Variants in SH3TC1 observed in about 807,000 individuals in gnomAD.
The protein encoded by SH3TC1 is SH3 domain and tetratricopeptide repeat-containing protein 1.
SH3TC1 carries 135 observed loss-of-function variants against 117.3 expected under a neutral mutation model. That is an observed-to-expected ratio of 1.15 (90% CI 1.00 to 1.33). The LOEUF is 1.33. Ranked by LOEUF, SH3TC1 falls within the 40% of genes most tolerant of loss-of-function variation. The pLI, the probability that SH3TC1 is intolerant of heterozygous loss-of-function variation, is 0.00. For synonymous variants in SH3TC1, 898 were observed against 816.9 expected, an observed-to-expected ratio of 1.10 and a Z score of -1.69; for missense variants, 2,092 against 1,794.3, an observed-to-expected ratio of 1.17 and a Z score of -3.00.
Position 8,214,595 on chromosome 4 carries a change from C to G in SH3TC1, c.481+15C>G. On this transcript the variant is annotated intron_variant, in intron 5 of 17. Transcript: ENST00000245105. ...CCATGCTCTCGGTAAAGAGGTGACC[C>G]TCCCAGAATTGGTCATGGGGACGCC... The G allele has an allele frequency of 6.2e-7, 1 of 1,609,444 alleles. No individual in the cohort carries two copies. Among genetic ancestry groups the G allele is most frequent in the African/African-American group, 1.3e-5 (1 of 74,954 alleles).
intron 2 of SH3TC1, among the ~76,000 whole-genome samples, chr4:8,208,812 A>G (rs774042617): frequency 1.3e-5 from 2 of 152,182 alleles, no homozygotes; most frequent in Non-Finnish European, 2.9e-5. Context: ...CACCGTCCCA[A>G]TGCAAGGCCC....
At chr4:8,234,348 ATTTG>A (rs202226385) in intron 14 of SH3TC1, among the ~76,000 whole-genome samples, 1,745 of 147,414 alleles carry the variant, frequency 0.012, 39 homozygotes, top group South Asian at 0.076. Context: ...CTGTCTGTCC[ATTTG>A]TTTATCCATA....
At chr4:8,184,097 A>G (rs919182155) in intron 1 of SH3TC1, among the ~76,000 whole-genome samples, 12 of 152,204 alleles carry the variant, frequency 7.9e-5, no homozygotes, top group Non-Finnish European at 1.8e-4. Flanking sequence ...ATGAAGGCAT[A>G]TATGTGTACA....
chr4:8,236,029 G>T lies in SH3TC1; in HGVS notation c.3406-249G>T. On this transcript the variant is annotated intron_variant, in intron 15 of 17. Transcript: ENST00000245105. The stretch of plus-strand genomic sequence containing the variant: ...CAGAGAGGAGTGCAGGCTCCCCCCA[G>T]TCAGACCCCTGGTGCCCAGGCGGGA... The T allele has an allele frequency of 5.7e-6, 3 of 525,940 alleles. 1 individual carries two copies. Among genetic ancestry groups the T allele is most frequent in the South Asian group, 5.3e-5 (2 of 37,628 alleles). The allele number at this position is 525,940 out of a possible 1,614,324, so 32.6% of individuals were successfully genotyped here.
upstream of SH3TC1, among the ~76,000 whole-genome samples, chr4:8,198,289 A>G (rs569186488): frequency 1.3e-5 from 2 of 152,274 alleles, no homozygotes; most frequent in South Asian, 4.1e-4. Flanking sequence ...AGATGGATAC[A>G]TAACTATTTG....
At chr4:8,230,783 C>CTTTTTTTTTTTTTTTTTTTTT (rs59242411) in intron 12 of SH3TC1, among the ~76,000 whole-genome samples, 1 of 134,170 alleles carries the variant, frequency 7.5e-6, no homozygotes, top group Non-Finnish European at 1.6e-5. Context: ...ATATGCTGTG[C>CTTTTTTTTTTTTTTTTTTTTT]TTTTTTTTTT....
chr4:8,232,035 G>A lies in SH3TC1; in HGVS notation c.3010G>A (p.Ala1004Thr). The A allele has an allele frequency of 5.6e-6, 9 of 1,613,188 alleles. No homozygotes were observed. Among genetic ancestry groups the A allele is most frequent in the Non-Finnish European group, 7.6e-6 (9 of 1,180,020 alleles). The stretch of plus-strand genomic sequence containing the variant: ...CTACAGCGCCGTCATGCCCAGCGAG[G>A]CCCAGTGTGTCATCTACCATGAGCT... ...HFYSAVMPSE[A>T]QCVIYHELQL... The change falls in exon 13 of 18, where the codon GCC becomes ACC. Residue 1004 changes from alanine (A) to threonine (T), a missense_variant. By Grantham distance (58) the Ala-to-Thr change is moderately conservative. Coordinates refer to ENST00000245105, the MANE Select transcript of SH3TC1 (RefSeq NM_018986.5).
At chr4:8,234,568 TATCCATCCATCCACCCATCCATCC>T (rs1291882618) in intron 14 of SH3TC1, among the ~76,000 whole-genome samples, 7 of 149,436 alleles carry the variant, frequency 4.7e-5, no homozygotes, top group East Asian at 2.0e-4. Context: ...CTCATCCATT[TATCCATCCATCCACCCATCCATCC>T]ATCCATCCAT....
intron 17 of SH3TC1, 73 bp downstream of exon 17, chr4:8,237,743 G>A (rs1042260967): frequency 1.2e-5 from 17 of 1,466,208 alleles, no homozygotes; most frequent in African/African-American, 1.1e-4. Flanking sequence ...GACCCCTGAG[G>A]CATGTGTTCC....
chr4:8,209,709 C>G lies in SH3TC1; in HGVS notation c.173-39C>G, dbSNP rs1002862689. ...CGCCTTCAGAGGAGCCAGGCCTTTG[C>G]TTGGTCTCCCCTAATCCTGGGAACC... is the stretch of plus-strand genomic sequence containing the variant. On this transcript the variant is annotated intron_variant, in intron 2 of 17. Transcript: ENST00000245105. This position sits in a 1 kb window ranked among gnomAD's most constrained non-coding sequence, Gnocchi z 5.9. 6 of 1,612,794 alleles carry G rather than the reference C, an allele frequency of 3.7e-6. No individual in the cohort carries two copies. In the African/African-American group the frequency reaches 8.0e-5, roughly 22 times the overall value.
Position 8,233,444 on chromosome 4 carries a change from T to C in SH3TC1, c.3213T>C (p.His1071=). ...TCCAGAAGAAAGAGAAGGAGGCGCA[T>C]GCCTGGCTGCAAGCAGGGAAGATCT... The part of the protein sequence containing the change: ...IDLQKKEKEA[H]AWLQAGKIYY... The change falls in exon 14 of 18, where the codon CAT becomes CAC. Residue 1071 remains histidine (H), a synonymous_variant. Coordinates refer to ENST00000245105, the MANE Select transcript of SH3TC1 (RefSeq NM_018986.5). The C allele has an allele frequency of 6.2e-7, 1 of 1,613,940 alleles. No individual in the cohort carries two copies. Among genetic ancestry groups the C allele is most frequent in the Non-Finnish European group, 8.5e-7 (1 of 1,179,922 alleles).
At chr4:8,187,855 AT>A (rs1266230472) in intron 1 of SH3TC1, among the ~76,000 whole-genome samples, 2 of 151,902 alleles carry the variant, frequency 1.3e-5, no homozygotes, top group Non-Finnish European at 2.9e-5. Context: ...CGGCCTACAT[AT>A]TTGTTTTCTA....
chr4:8,183,561 A>G lies in SH3TC1; in HGVS notation c.-57+1351A>G, dbSNP rs1399798757. 7.2e-5 allele frequency among the ~76,000 whole-genome samples: 11 copies of G among 152,204 alleles called. No individual in the cohort carries two copies. ...GGGTGTCTTTGGGCCTTAAAAGTTC[A>G]TCAAACTTGTTCCACCCTACAGGGA... On this transcript the variant is annotated intron_variant, in intron 1 of 16. Coordinates refer to the SH3TC1 transcript ENST00000508641. This position sits in a 1 kb window ranked among gnomAD's most constrained non-coding sequence, Gnocchi z 5.4.
In SH3TC1 at chr4:8,233,364, G is replaced by T. The variant is rs1721425619; in HGVS notation, c.3133G>T (p.Ala1045Ser). Residue 1045 changes from alanine (A) to serine (S), a missense_variant and splice_region_variant, in exon 14 of 18, where the codon GCC (alanine) becomes TCC (serine). By Grantham distance (99) the Ala-to-Ser change is moderately conservative (BLOSUM62 1). Transcript: ENST00000245105. ...TCTGACACCTGTGTCTGATACCAGG[G>T]CCTACAAATCCGCACTGGACTACAC... ...QLYLSLGTER[A>S]YKSALDYTKR... 2 of 1,605,234 alleles carry T rather than the reference G, an allele frequency of 1.2e-6. No individual in the cohort carries two copies. Among genetic ancestry groups the T allele is most frequent in the Non-Finnish European group, 1.7e-6 (2 of 1,175,428 alleles).
chr4:8,230,954 A>AT (rs1020001089), intron 12 of SH3TC1, among the ~76,000 whole-genome samples: 8 of 150,794 alleles, frequency 5.3e-5, no homozygotes, highest in East Asian at 2.0e-4. Flanking sequence ...TAATTTTTGT[A>AT]TTTTTTTGTA....
chr4:8,210,500 G>A lies in SH3TC1; in HGVS notation c.247+678G>A, dbSNP rs1718566131. 6.6e-6 allele frequency among the ~76,000 whole-genome samples: 1 copy of A among 152,174 alleles called. No individual in the cohort carries two copies. Among genetic ancestry groups the A allele is most frequent in the East Asian group, 1.9e-4 (1 of 5,200 alleles). On this transcript the variant is annotated intron_variant, in intron 3 of 17. Transcript: ENST00000245105. This position sits in a 1 kb window ranked among gnomAD's most constrained non-coding sequence, Gnocchi z 4.1. ...GAATTTGAAAATGCAGGCTGGGCGC[G>A]GTGGCTCACGCCTGTAATCCCAGCA...
At chr4:8,182,864 A>G (rs1717115801) in intron 1 of SH3TC1, among the ~76,000 whole-genome samples, 1 of 152,150 alleles carries the variant, frequency 6.6e-6, no homozygotes. Context: ...GGCTCTCTGC[A>G]TCTCCGAAGC....
chr4:8,198,813 G>C (rs566451167), upstream of SH3TC1, among the ~76,000 whole-genome samples: 1 of 152,370 alleles, frequency 6.6e-6, no homozygotes, highest in East Asian at 1.9e-4. Context: ...GTGAGCGTTT[G>C]TGTGCATACG....
chr4:8,188,118 G>A (rs755895514), intron 1 of SH3TC1, among the ~76,000 whole-genome samples: 1 of 152,194 alleles, frequency 6.6e-6, no homozygotes, highest in Non-Finnish European at 1.5e-5. Context: ...TATTTCACGT[G>A]TGGAGGCTGG....
Sources: allele counts gnomAD v4.1 joint callset (sites outside exome capture counted in the v4.1 genomes callset), GRCh38; gene constraint gnomAD v4.1.1; non-coding constraint Gnocchi (gnomAD v3.1); transcripts MANE v1.5; gene names NCBI Gene and HGNC (gene_info 2026-07-23, HGNC 2026-07-21).